The following TFAP2A variants were observed in gnomAD, a reference collection of about 807,000 sequenced individuals.
The protein encoded by TFAP2A is transcription factor AP-2-alpha.
In TFAP2A, 7 loss-of-function variants were observed where a neutral mutation model predicts 41.5. The ratio of observed to expected loss-of-function variants is 0.17; its 90% CI spans 0.10 to 0.32. The LOEUF is 0.32. Ranked by LOEUF, TFAP2A falls within the 10% of genes least tolerant of loss-of-function variation. The pLI is 1.00. For synonymous variants in TFAP2A, 247 were observed against 242.8 expected, an observed-to-expected ratio of 1.02 and a Z score of -0.16; for missense variants, 416 against 563.3, an observed-to-expected ratio of 0.74 and a Z score of 2.65.
At chr6:10,411,477 C>T in intron 1 of TFAP2A, 1 of 1,607,724 alleles carries the variant, frequency 6.2e-7, no homozygotes, top group Non-Finnish European at 8.5e-7. Context: ...GAAAGCTGGG[C>T]GTGAAACCCG....
intron 2 of TFAP2A, among the ~76,000 whole-genome samples, chr6:10,408,120 T>C (rs968857818): frequency 1.3e-5 from 2 of 152,344 alleles, no homozygotes; most frequent in Non-Finnish European, 1.5e-5. Flanking sequence ...ATTAAATAAT[T>C]TTCACCATCG....
chr6:10,401,690 T>C (rs1486883833), intron 5 of TFAP2A, among the ~76,000 whole-genome samples: 1 of 152,188 alleles, frequency 6.6e-6, no homozygotes, highest in Non-Finnish European at 1.5e-5. Flanking sequence ...CCTGTTAGCA[T>C]GAGATATTTA....
intron 3 of TFAP2A, 198 bp from the exon 4 acceptor site, chr6:10,404,937 G>A: frequency 1.6e-6 from 1 of 608,846 alleles, no homozygotes; most frequent in South Asian, 2.0e-5. Flanking sequence ...TCACCCGGCG[G>A]CCGGGAGGCG....
In TFAP2A at chr6:10,398,463, T is replaced by C; in HGVS notation, c.1274A>G (p.Asp425Gly). Residue 425 changes from aspartate (D) to glycine (G), a missense_variant, in exon 7 of 7, where the codon GAC becomes GGC. Asp to Gly is a moderately conservative substitution (Grantham distance 94). Transcript: ENST00000379613. The surrounding 1 kb of genome is among the most constrained non-coding windows in gnomAD (Gnocchi z 5.3). ...YLSNNPNSHTDNNAKSSDKEE... is the reference protein window; with the variant it reads ...YLSNNPNSHTGNNAKSSDKEE... ...TTTGTCACTGCTTTTGGCGTTGTTG[T>C]CCGTGTGGCTGTTGGGGTTGTTGCT... 1 of 1,614,244 alleles carries C rather than the reference T, an allele frequency of 6.2e-7. No homozygotes were observed. The highest frequency in any genetic ancestry group is 2.2e-5 in the East Asian group (1 of 44,880).
intron 5 of TFAP2A, chr6:10,402,203 G>C (rs1762035050): frequency 1.5e-5 from 7 of 460,598 alleles, no homozygotes; most frequent in South Asian, 1.2e-4. Flanking sequence ...CTTTAAAGGA[G>C]ACAAACTTGG....
upstream of TFAP2A, among the ~76,000 whole-genome samples, chr6:10,417,859 C>T (rs1758301785): frequency 6.6e-6 from 1 of 152,296 alleles, no homozygotes; most frequent in South Asian, 2.1e-4. Context: ...CCTCCTCCTG[C>T]GGCAGTCTCG....
chr6:10,409,623 G>T (rs1034906640), intron 2 of TFAP2A: 2 of 474,618 alleles, frequency 4.2e-6, no homozygotes, highest in East Asian at 7.7e-5. Context: ...GGAAGATATT[G>T]TTAATGGTGA....
rs1014621649 is a variant in TFAP2A at position 10,414,754 on chromosome 6, G to C, written c.51+187C>G. ...CAAAGTAGGGAAACCAAAGAAGGGAGCATCCACGTCCTCTCTCTGCAGCTT... is the reference window on the plus strand; with the variant it reads ...CAAAGTAGGGAAACCAAAGAAGGGACCATCCACGTCCTCTCTCTGCAGCTT... On this transcript the variant is annotated intron_variant, in intron 1 of 6. Transcript: ENST00000379613. 8 of 780,222 alleles carry C rather than the reference G, an allele frequency of 1.0e-5. No homozygotes were observed. In the Admixed American group the frequency reaches 1.0e-4, roughly 10 times the overall value. 48.3% of individuals were successfully genotyped at this position (780,222 alleles called of 1,614,324 possible). A position where few individuals can be genotyped will look rare whatever the true frequency, so the allele number is the denominator to read the frequency against.
In TFAP2A at chr6:10,410,823, G is replaced by T. The variant is rs545638545; in HGVS notation, c.52-488C>A. 1.7e-4 allele frequency: 27 copies of T among 161,704 alleles called. No homozygotes were observed. In the South Asian group the frequency reaches 4.4e-3, roughly 26 times the overall value. 10.0% of individuals were successfully genotyped at this position (161,704 alleles called of 1,614,324 possible). ...GACTACTTAAATAGAAACATATTTCGCAGAGGGGCTGTAACAAAAACACAC... is the reference window on the plus strand; with the variant it reads ...GACTACTTAAATAGAAACATATTTCTCAGAGGGGCTGTAACAAAAACACAC... On this transcript the variant is annotated intron_variant, in intron 1 of 6. Transcript: ENST00000379613.
In TFAP2A at chr6:10,410,335, C is replaced by T. The variant is rs1390260109; in HGVS notation, c.52G>A (p.Asp18Asn). The part of the protein sequence containing the change: ...TDNIKYEDCE[D>N]RHDGTSNGTA... Reference sequence around the variant, plus strand: ...CCGTTGCTGGTGCCGTCGTGACGGTCCTAGAAGAGAGCGAGAGGAAAGGTA... The same window carrying T: ...CCGTTGCTGGTGCCGTCGTGACGGTTCTAGAAGAGAGCGAGAGGAAAGGTA... Residue 18 changes from aspartate (D) to asparagine (N), a missense_variant and splice_region_variant, in exon 2 of 7, where the codon GAC becomes AAC. Physicochemically the swap from Asp to Asn is conservative, Grantham distance 23. Coordinates refer to ENST00000379613, the MANE Select transcript of TFAP2A (RefSeq NM_001372066.1). The T allele has an allele frequency of 3.1e-6, 5 of 1,609,820 alleles. No individual in the cohort carries two copies. The East Asian group carries it at 1.1e-4, about 36-fold the overall frequency.
intron 4 of TFAP2A, among the ~76,000 whole-genome samples, chr6:10,404,280 T>C (rs369249926): frequency 1.3e-5 from 2 of 152,152 alleles, no homozygotes; most frequent in Non-Finnish European, 2.9e-5. Context: ...GCACCAGAAC[T>C]CGCTCGCGGG....
chr6:10,398,182 G>C lies in TFAP2A; in HGVS notation c.*235C>G, dbSNP rs1179249633. 1.4e-6 allele frequency: 2 copies of C among 1,443,950 alleles called. No homozygotes were observed. Among genetic ancestry groups the C allele is most frequent in the Non-Finnish European group, 1.8e-6 (2 of 1,102,728 alleles). The allele number at this position is 1,443,950 out of a possible 1,614,324, so 89.4% of individuals were successfully genotyped here. On this transcript the variant is annotated 3_prime_UTR_variant, in exon 7 of 7. Transcript: ENST00000379613. The surrounding 1 kb of genome is among the most constrained non-coding windows in gnomAD (Gnocchi z 5.3). ...TCCACATGAGGGCACAGGGGTGTGG[G>C]AGCGGGTGGGGAGGTCGAGGCGGGT...
At chr6:10,415,589 C>T (rs555966013), upstream of TFAP2A, 5 of 177,698 alleles carry the variant, frequency 2.8e-5, no homozygotes, top group South Asian at 2.5e-4. Flanking sequence ...AAGGTCCAAG[C>T]GCCACGCCTG....
At chr6:10,410,696 T>C (rs186017460) in intron 1 of TFAP2A, among the ~76,000 whole-genome samples, 56 of 152,300 alleles carry the variant, frequency 3.7e-4, no homozygotes, top group African/African-American at 1.3e-3. Flanking sequence ...CCTTTTCTTT[T>C]CCCCCGATTT....
chr6:10,407,464 T>A, intron 2 of TFAP2A: 1 of 152,292 alleles, frequency 6.6e-6, no homozygotes, highest in East Asian at 1.9e-4. Context: ...CAACAGCAGG[T>A]TTGTTGTTAG....
upstream of TFAP2A, chr6:10,415,365 G>A (rs937892505): frequency 4.9e-6 from 5 of 1,021,086 alleles, no homozygotes; most frequent in Non-Finnish European, 6.4e-6. Flanking sequence ...ATCTGCCGCC[G>A]GCCGCTCCGA....
intron 3 of TFAP2A, chr6:10,406,374 C>G (rs1757713293): frequency 5.7e-6 from 1 of 176,892 alleles, no homozygotes; most frequent in Admixed American, 5.8e-5. Flanking sequence ...ATGTTTTTTT[C>G]CTCTACTAAA....
Position 10,412,125 on chromosome 6 carries a change from T to A in TFAP2A, c.52-1790A>T, listed in dbSNP as rs1757997360. 3.0e-6 allele frequency: 3 copies of A among 995,340 alleles called. No homozygotes were observed. The South Asian group carries it at 1.4e-4, about 45-fold the overall frequency. 61.7% of individuals were successfully genotyped at this position (995,340 alleles called of 1,614,324 possible). On this transcript the variant is annotated intron_variant, in intron 1 of 6. Transcript: ENST00000379613. ...AGAGGCAACTCGCGCCGGAGCCGGC[T>A]CTCAATGCAGTCCATTGACGGGAGT...
intron 3 of TFAP2A, chr6:10,405,441 C>G (rs563616126): frequency 6.6e-6 from 1 of 152,278 alleles, no homozygotes; most frequent in East Asian, 1.9e-4. Context: ...GAAGAACAGG[C>G]CTACAGTGGA....
Sources: allele counts gnomAD v4.1 joint callset (sites outside exome capture counted in the v4.1 genomes callset), GRCh38; gene constraint gnomAD v4.1.1; non-coding constraint Gnocchi (gnomAD v3.1); transcripts MANE v1.5; gene names NCBI Gene and HGNC (gene_info 2026-07-23, HGNC 2026-07-21).